The following ZSCAN25 variants were observed in gnomAD, a reference collection of about 807,000 sequenced individuals.
The protein encoded by ZSCAN25 is zinc finger and SCAN domain-containing protein 25.
In ZSCAN25, 27 loss-of-function variants were observed where a neutral mutation model predicts 38.7. The observed-to-expected ratio is 0.70, with a 90% CI of 0.51 to 0.96. The LOEUF (loss-of-function observed/expected upper bound fraction) is 0.96. Ranked by LOEUF, ZSCAN25 falls within the 40% of genes least tolerant of loss-of-function variation. The pLI is 0.00. For synonymous variants in ZSCAN25, 273 were observed against 277.7 expected (o/e 0.98, Z 0.17); for missense variants, 637 against 705.9 (o/e 0.90, Z 1.11).
chr7:99,645,334 G>T, the ZSCAN25 span, among the ~76,000 whole-genome samples: 9 of 152,078 alleles, frequency 5.9e-5, no homozygotes, highest in Admixed American at 5.2e-4. Flanking sequence ...TGGTGTATAT[G>T]TACCACATTT....
rs536805217 is a variant in ZSCAN25, at chr7:99,618,374, TAGG to T, written c.-258-145_-258-143del. Reference sequence around the variant, plus strand: ...AGTCTCTTTTTTTTCTTCTGAGAAGTAGGAGGAGTAGCACTCATCCTACAGAAG... The same window carrying T: ...AGTCTCTTTTTTTTCTTCTGAGAAGTAGGAGTAGCACTCATCCTACAGAAG... On this transcript the variant is annotated intron_variant, in intron 1 of 7. Transcript: ENST00000394152. Among the ~76,000 whole-genome samples the T allele has an allele frequency of 4.9e-4, 74 of 152,316 alleles. No homozygotes were observed. The South Asian group carries it at 0.014, about 29-fold the overall frequency.
chr7:99,627,034 C>G (rs950315941), intron 7 of ZSCAN25, among the ~76,000 whole-genome samples: 2 of 152,156 alleles, frequency 1.3e-5, no homozygotes, highest in African/African-American at 4.8e-5. Context: ...TACAAATTTT[C>G]AAACATACAG....
chr7:99,631,353 T>TA lies in ZSCAN25; in HGVS notation c.*1342dup, dbSNP rs35306541. On this transcript the variant is annotated 3_prime_UTR_variant, in exon 8 of 8. Transcript: ENST00000394152. Reference sequence around the variant, plus strand: ...GAAAAATAAAGATATTTGTAGGCATTAAAAAAAAATACATTTCTTTAAAAA... The same window carrying TA: ...GAAAAATAAAGATATTTGTAGGCATTAAAAAAAAAATACATTTCTTTAAAAA... 763 of 906,608 alleles carry TA rather than the reference T, an allele frequency of 8.4e-4. No homozygotes were observed. Among genetic ancestry groups the TA allele is most frequent in the Non-Finnish European group, 9.2e-4 (699 of 758,520 alleles). The allele number at this position is 906,608 out of a possible 1,614,324, so 56.2% of individuals were successfully genotyped here.
At chr7:99,661,242 G>A in the ZSCAN25 span, among the ~76,000 whole-genome samples, 1 of 152,208 alleles carries the variant, frequency 6.6e-6, no homozygotes, top group Non-Finnish European at 1.5e-5. Flanking sequence ...ACATCTGGGA[G>A]CTTATTAGAA....
rs1808006565 is a variant in ZSCAN25, at chr7:99,631,648, A to G, written c.*1628A>G. On this transcript the variant is annotated 3_prime_UTR_variant, in exon 8 of 8. Transcript: ENST00000394152. ...TTTTTTTCATTTTCCATTGTAAATAAGGTAAATGGTAATGACTAACACAAA... is the reference window on the plus strand; with the variant it reads ...TTTTTTTCATTTTCCATTGTAAATAGGGTAAATGGTAATGACTAACACAAA... The G allele has an allele frequency of 5.1e-6, 5 of 985,310 alleles. No homozygotes were observed. Among genetic ancestry groups the G allele is most frequent in the Non-Finnish European group, 6.0e-6 (5 of 829,890 alleles). 61.0% of individuals were successfully genotyped at this position (985,310 alleles called of 1,614,324 possible).
Position 99,629,098 on chromosome 7 carries a change from A to T in ZSCAN25, c.806-93A>T, listed in dbSNP as rs1207457254. 2 of 1,489,850 alleles carry T rather than the reference A, an allele frequency of 1.3e-6. No homozygotes were observed. Among genetic ancestry groups the T allele is most frequent in the Non-Finnish European group, 1.8e-6 (2 of 1,115,614 alleles). 92.3% of individuals were successfully genotyped at this position (1,489,850 alleles called of 1,614,324 possible). A position where few individuals can be genotyped will look rare whatever the true frequency, so the allele number is the denominator to read the frequency against. On this transcript the variant is annotated intron_variant, in intron 7 of 7. Coordinates refer to ENST00000394152, the MANE Select transcript of ZSCAN25 (RefSeq NM_145115.3). This position sits in a 1 kb window ranked among gnomAD's most constrained non-coding sequence, Gnocchi z 5.6. ...GTTGGTCAAAGGAAAAAAGAGAAGG[A>T]ACCATGAATGGGACCCCTGTGAAGC...
the ZSCAN25 span, chr7:99,679,855 G>T: frequency 6.2e-7 from 1 of 1,614,098 alleles, no homozygotes; most frequent in Non-Finnish European, 8.5e-7. Context: ...TGACAGCCAG[G>T]AGAAGCCAGG....
chr7:99,676,725 C>A, the ZSCAN25 span: 1 of 463,044 alleles, frequency 2.2e-6, no homozygotes, highest in Middle Eastern at 3.5e-4. Flanking sequence ...TTTTTCTTCC[C>A]TCTAAGCTCT....
chr7:99,634,776 G>T (rs1808202892), downstream of ZSCAN25, among the ~76,000 whole-genome samples: 1 of 152,134 alleles, frequency 6.6e-6, no homozygotes, highest in Non-Finnish European at 1.5e-5. Context: ...CAGCCTGGGG[G>T]ACAGAGTGAG....
chr7:99,651,886 T>C, the ZSCAN25 span, among the ~76,000 whole-genome samples: 1 of 152,172 alleles, frequency 6.6e-6, no homozygotes, highest in Non-Finnish European at 1.5e-5. Context: ...CAGCCACAGA[T>C]AGGACCAGGA....
the ZSCAN25 span, chr7:99,695,603 C>G: frequency 1.4e-6 from 1 of 707,070 alleles, no homozygotes. Flanking sequence ...GTAAACCTTG[C>G]CATGCTCTGG....
the ZSCAN25 span, among the ~76,000 whole-genome samples, chr7:99,724,691 T>G: frequency 1.3e-5 from 2 of 152,096 alleles, no homozygotes; most frequent in African/African-American, 4.8e-5. Context: ...ATTCCGAGAC[T>G]AGCCCTCCTC....
the ZSCAN25 span, among the ~76,000 whole-genome samples, chr7:99,733,372 T>C: frequency 6.6e-6 from 1 of 152,206 alleles, no homozygotes; most frequent in East Asian, 1.9e-4. Flanking sequence ...GCAAACTGTT[T>C]AGTTTCTTTC....
At chr7:99,703,419 T>C in the ZSCAN25 span, among the ~76,000 whole-genome samples, 1 of 152,192 alleles carries the variant, frequency 6.6e-6, no homozygotes, top group Admixed American at 6.5e-5. Flanking sequence ...GCTATTGAAA[T>C]GTCATTGTTA....
the ZSCAN25 span, chr7:99,707,705 G>T: frequency 1.9e-6 from 3 of 1,538,990 alleles, no homozygotes; most frequent in African/African-American, 1.4e-5. Context: ...TTGGCCCATA[G>T]AACAAATTAT....
chr7:99,705,977 G>A, the ZSCAN25 span, among the ~76,000 whole-genome samples: 1 of 152,166 alleles, frequency 6.6e-6, no homozygotes, highest in Non-Finnish European at 1.5e-5. Context: ...TTAATTTTGT[G>A]TATGTTGAAA....
chr7:99,667,178 A>G, the ZSCAN25 span: 1 of 857,270 alleles, frequency 1.2e-6, no homozygotes, highest in Non-Finnish European at 1.6e-6. Flanking sequence ...ACTGTATATG[A>G]TATTATGGCA....
chr7:99,665,292 C>A, the ZSCAN25 span: 1 of 1,614,140 alleles, frequency 6.2e-7, no homozygotes, highest in Non-Finnish European at 8.5e-7. Flanking sequence ...GTAATCACAT[C>A]CATGCTGTAG....
the ZSCAN25 span, chr7:99,660,549 C>G: frequency 6.2e-7 from 1 of 1,613,782 alleles, no homozygotes; most frequent in East Asian, 2.2e-5. Context: ...TGCTGGACAT[C>G]AGGGTGAGTG....
Sources: gnomAD v4.1 joint callset for allele counts (sites outside exome capture counted in the v4.1 genomes callset) on GRCh38, gnomAD v4.1.1 for gene constraint, Gnocchi (gnomAD v3.1) non-coding constraint, MANE v1.5 for transcripts, NCBI Gene and HGNC (gene_info 2026-07-23, HGNC 2026-07-21) for gene names.